TMCC1: variants seen among roughly 807,000 people sequenced by gnomAD.
TMCC1 encodes transmembrane and coiled-coil domains protein 1.
TMCC1 carries 15 observed loss-of-function variants against 52.4 expected under a neutral mutation model. The observed-to-expected ratio is 0.29, with a 90% CI of 0.19 to 0.44. TMCC1 has a LOEUF of 0.44. Ranked by LOEUF, TMCC1 falls within the 20% of genes least tolerant of loss-of-function variation. The probability of loss-of-function intolerance (pLI) is 1.00; values close to 1 mark genes in which losing one functional copy is unlikely to be tolerated. For missense variants in TMCC1, 503 were observed against 806.0 expected (o/e 0.62, Z 4.55); for synonymous variants, 279 against 301.9 (o/e 0.92, Z 0.79).
At chr3:129,671,378 A>T in intron 4 of TMCC1, 114 bp from the exon 5 acceptor site, 1 of 1,125,932 alleles carries the variant, frequency 8.9e-7, no homozygotes, top group Non-Finnish European at 1.2e-6. Flanking sequence ...TAGATAACTG[A>T]CCTATAATTC....
intron 3 of TMCC1, among the ~76,000 whole-genome samples, chr3:129,831,569 A>C (rs1348927278): frequency 6.6e-6 from 1 of 152,228 alleles, no homozygotes; most frequent in African/African-American, 2.4e-5. Flanking sequence ...TCATCTGCAT[A>C]ATAGCAGCAC....
intron 4 of TMCC1, among the ~76,000 whole-genome samples, chr3:129,705,641 CG>C (rs1386916968): frequency 6.7e-6 from 1 of 149,690 alleles, no homozygotes; most frequent in East Asian, 2.0e-4. Flanking sequence ...AGTCTTGCTC[CG>C]TCACCCAGGC....
At chr3:129,848,817 A>G (rs1200589884) in intron 2 of TMCC1, among the ~76,000 whole-genome samples, 1 of 152,126 alleles carries the variant, frequency 6.6e-6, no homozygotes, top group Non-Finnish European at 1.5e-5. Flanking sequence ...AACTCTTCAA[A>G]TCTAATACTC....
At chr3:129,697,458 TA>T (rs1417555184) in intron 4 of TMCC1, among the ~76,000 whole-genome samples, 1 of 152,162 alleles carries the variant, frequency 6.6e-6, no homozygotes, top group Non-Finnish European at 1.5e-5. Flanking sequence ...CCTAGACCTC[TA>T]GGCCTGTGAT....
At chr3:129,827,782 A>G (rs2058719677) in intron 4 of TMCC1, 21 bp downstream of exon 4, 2 of 1,602,578 alleles carry the variant, frequency 1.2e-6, no homozygotes, top group African/African-American at 2.7e-5. Flanking sequence ...TTAACAGAAA[A>G]ACAAAATCTT....
intron 1 of TMCC1, among the ~76,000 whole-genome samples, chr3:129,881,640 C>T (rs968153227): frequency 1.3e-5 from 2 of 152,098 alleles, no homozygotes; most frequent in African/African-American, 2.4e-5. Context: ...GTTATATTTT[C>T]GCAACAAATT....
intron 4 of TMCC1, among the ~76,000 whole-genome samples, chr3:129,718,374 G>A (rs2049272357): frequency 6.6e-6 from 1 of 152,208 alleles, no homozygotes; most frequent in Non-Finnish European, 1.5e-5. Flanking sequence ...TCCACTTAAA[G>A]TGCATGTGAC....
intron 4 of TMCC1, among the ~76,000 whole-genome samples, chr3:129,724,254 C>T (rs2049900690): frequency 6.6e-6 from 1 of 152,140 alleles, no homozygotes; most frequent in East Asian, 1.9e-4. Flanking sequence ...ATCTTCAGCC[C>T]AGTTAAGCAA....
At chr3:129,715,382 C>A (rs1374889079) in intron 4 of TMCC1, among the ~76,000 whole-genome samples, 3 of 152,156 alleles carry the variant, frequency 2.0e-5, no homozygotes, top group Non-Finnish European at 4.4e-5. Flanking sequence ...CATGGCAAAA[C>A]CCTGTCTCTA....
chr3:129,712,740 A>G (rs2048797892), intron 4 of TMCC1, among the ~76,000 whole-genome samples: 1 of 151,890 alleles, frequency 6.6e-6, no homozygotes, highest in Admixed American at 6.6e-5. Flanking sequence ...GGTGTGAGCC[A>G]CCACGCCTGG....
At chr3:129,867,377 C>T (rs1358359487) in intron 2 of TMCC1, among the ~76,000 whole-genome samples, 1 of 152,200 alleles carries the variant, frequency 6.6e-6, no homozygotes, top group African/African-American at 2.4e-5. Flanking sequence ...CTCCTGTAAT[C>T]GCTTCAACAG....
chr3:129,850,643 C>G (rs2059876194), intron 2 of TMCC1, among the ~76,000 whole-genome samples: 2 of 152,048 alleles, frequency 1.3e-5, no homozygotes, highest in Admixed American at 6.6e-5. Context: ...CCCAGTGGAG[C>G]TAGAGGAATT....
chr3:129,828,387 T>C lies in TMCC1; in HGVS notation c.-9A>G, dbSNP rs1380160544. On this transcript the variant is annotated 5_prime_UTR_variant, in exon 4 of 7. Transcript: ENST00000393238. This position sits in a 1 kb window ranked among gnomAD's most constrained non-coding sequence, Gnocchi z 4.1. ...CTGCCCGAAGGCTCCATCAGTAGAC[T>C]TAATATGCTTATTTGCAAACTCAAA... is the stretch of plus-strand genomic sequence containing the variant. 6.2e-7 allele frequency: 1 copy of C among 1,604,664 alleles called. No individual in the cohort carries two copies. Among genetic ancestry groups the C allele is most frequent in the Non-Finnish European group, 8.5e-7 (1 of 1,175,212 alleles).
chr3:129,751,036 C>T (rs1237148947), intron 4 of TMCC1, among the ~76,000 whole-genome samples: 1 of 151,546 alleles, frequency 6.6e-6, no homozygotes, highest in African/African-American at 2.4e-5. Context: ...TCCATCTTTA[C>T]AAAAAAATAC....
At chr3:129,734,931 C>G (rs1378647550) in intron 4 of TMCC1, among the ~76,000 whole-genome samples, 1 of 146,438 alleles carries the variant, frequency 6.8e-6, no homozygotes, top group Non-Finnish European at 1.5e-5. Context: ...GAGATGGAGT[C>G]TCGCCCTGTC....
chr3:129,659,053 T>A (rs78300484), intron 5 of TMCC1, among the ~76,000 whole-genome samples: 1,883 of 152,106 alleles, frequency 0.012, 35 homozygotes, highest in African/African-American at 0.043. Context: ...TAGAGTTTGA[T>A]TCTTTGTAGT....
Position 129,844,535 on chromosome 3 carries a change from C to T in TMCC1, c.-183-11709G>A, listed in dbSNP as rs75837144. Reference sequence around the variant, plus strand: ...TTTTTCTTACCTTTGTTTTCAGGAACGTACAAATTAAATCCAGAGTTTGCA... The same window carrying T: ...TTTTTCTTACCTTTGTTTTCAGGAATGTACAAATTAAATCCAGAGTTTGCA... On this transcript the variant is annotated intron_variant, in intron 2 of 6. Coordinates refer to ENST00000393238, the MANE Select transcript of TMCC1 (RefSeq NM_001017395.5). Among the ~76,000 whole-genome samples the T allele has an allele frequency of 3.4e-3, 525 of 152,184 alleles. 3 individuals are homozygous for T. Among genetic ancestry groups the T allele is most frequent in the African/African-American group, 0.012 (478 of 41,516 alleles).
At chr3:129,766,205 C>T (rs1306305493) in intron 4 of TMCC1, among the ~76,000 whole-genome samples, 1 of 152,118 alleles carries the variant, frequency 6.6e-6, no homozygotes, top group Admixed American at 6.5e-5. Context: ...ATAATTTCTC[C>T]CCTAATCCCT....
At chr3:129,758,171 C>T (rs1404872068) in intron 4 of TMCC1, among the ~76,000 whole-genome samples, 1 of 152,186 alleles carries the variant, frequency 6.6e-6, no homozygotes, top group Admixed American at 6.5e-5. Context: ...AACTGCTTTA[C>T]ATGTATACTG....
Sources: allele counts gnomAD v4.1 joint callset (sites outside exome capture counted in the v4.1 genomes callset), GRCh38; gene constraint gnomAD v4.1.1; non-coding constraint Gnocchi (gnomAD v3.1); transcripts MANE v1.5; gene names NCBI Gene and HGNC (gene_info 2026-07-23, HGNC 2026-07-21).